The following RAD51B variants were observed in gnomAD, a reference collection of about 807,000 sequenced individuals.
The protein encoded by RAD51B is DNA repair protein RAD51 homolog 2.
A neutral mutation model predicts 42.2 loss-of-function variants in RAD51B; 38 were observed. The ratio of observed to expected loss-of-function variants is 0.90; its 90% CI spans 0.70 to 1.18. The LOEUF (loss-of-function observed/expected upper bound fraction) is 1.18. RAD51B is among the 50% of genes most tolerant of loss of function. The probability of loss-of-function intolerance (pLI) is 0.00; values close to 1 mark genes in which losing one functional copy is unlikely to be tolerated. For missense variants in RAD51B, 373 were observed against 400.7 expected, an observed-to-expected ratio of 0.93 and a Z score of 0.59; for synonymous variants, 154 against 145.2, an observed-to-expected ratio of 1.06 and a Z score of -0.43.
At chr14:68,284,851 G>T (rs1303473593) in intron 7 of RAD51B, among the ~76,000 whole-genome samples, 1 of 151,854 alleles carries the variant, frequency 6.6e-6, no homozygotes, top group Non-Finnish European at 1.5e-5. Context: ...TTTTTGTGAC[G>T]CTCAAACTCC....
At position 67,886,024 on chromosome 14, in the gene RAD51B, G is replaced by C. The variant is rs778455017; in HGVS notation, c.572+36G>C. 2.8e-6 allele frequency: 4 copies of C among 1,454,072 alleles called. No homozygotes were observed. In the African/African-American group the frequency reaches 5.7e-5, roughly 21 times the overall value. 90.1% of individuals were successfully genotyped at this position (1,454,072 alleles called of 1,614,324 possible). A position where few individuals can be genotyped will look rare whatever the true frequency, so the allele number is the denominator to read the frequency against. ...TTAGATTTTGATTTTTTAGTAATGC[G>C]TTGAAGGTTTATGTTTTATCTTTTA... On this transcript the variant is annotated intron_variant, in intron 6 of 10. Transcript: ENST00000471583.
intron 10 of RAD51B, among the ~76,000 whole-genome samples, chr14:68,564,466 G>T (rs1297076115): frequency 6.6e-6 from 1 of 152,198 alleles, no homozygotes; most frequent in African/African-American, 2.4e-5. Flanking sequence ...GGACGGGCTT[G>T]TGAGAAGGAG....
intron 10 of RAD51B, among the ~76,000 whole-genome samples, chr14:68,530,448 A>C (rs1457647517): frequency 2.5e-5 from 1 of 40,314 alleles, no homozygotes. Flanking sequence ...CCCTGTCTCA[A>C]AAAAAAAAAA....
chr14:68,475,309 G>A (rs544123289), intron 10 of RAD51B, among the ~76,000 whole-genome samples: 8 of 152,342 alleles, frequency 5.3e-5, no homozygotes, highest in East Asian at 3.9e-4. Context: ...GAAGAGCCCA[G>A]TTGCAGAGAT....
chr14:68,113,084 G>A (rs997605703), intron 7 of RAD51B, among the ~76,000 whole-genome samples: 3 of 152,002 alleles, frequency 2.0e-5, no homozygotes, highest in Non-Finnish European at 4.4e-5. Context: ...TACGAAATTG[G>A]TTTATTGATT....
downstream of RAD51B, among the ~76,000 whole-genome samples, chr14:68,613,771 T>A (rs1026007868): frequency 1.3e-5 from 2 of 152,196 alleles, no homozygotes; most frequent in Non-Finnish European, 2.9e-5. Context: ...GTTCCTTAAA[T>A]GGCTAAGAGC....
Position 68,079,299 on chromosome 14 carries a change from CT to C in RAD51B, c.756+192101del, listed in dbSNP as rs573343137. The stretch of plus-strand genomic sequence containing the variant: ...TGCAGGTAAATTATAACCCACTTTT[CT>C]TTTTTATTTCATGTGGTCTTGGCAA... On this transcript the variant is annotated intron_variant, in intron 7 of 10. Transcript: ENST00000471583. 2.0e-5 allele frequency among the ~76,000 whole-genome samples: 3 copies of C among 152,206 alleles called. No homozygotes were observed. The South Asian group carries it at 6.2e-4, about 32-fold the overall frequency.
chr14:67,990,381 C>T (rs559500632), intron 7 of RAD51B, among the ~76,000 whole-genome samples: 1 of 152,284 alleles, frequency 6.6e-6, no homozygotes, highest in South Asian at 2.1e-4. Context: ...AGAAAAGTGG[C>T]TAATTATACA....
intron 8 of RAD51B, among the ~76,000 whole-genome samples, chr14:68,319,137 C>T (rs766242184): frequency 1.3e-5 from 2 of 152,106 alleles, no homozygotes; most frequent in Admixed American, 6.6e-5. Flanking sequence ...GCCCTGGAAA[C>T]GGAGGAGTTT....
At chr14:68,362,578 A>G (rs1977211) in intron 8 of RAD51B, among the ~76,000 whole-genome samples, 71,463 of 152,010 alleles carry the variant, frequency 0.47, 17,941 homozygotes, top group South Asian at 0.59. Flanking sequence ...GGCCGGGCGC[A>G]GTGGCTCACA....
intron 9 of RAD51B, among the ~76,000 whole-genome samples, chr14:68,450,206 CTTTTTTTT>C (rs67536658): frequency 8.3e-5 from 4 of 47,906 alleles, no homozygotes; most frequent in East Asian, 1.7e-3. Flanking sequence ...GAGCTTAGGG[CTTTTTTTT>C]TTTTTTTTTT....
intron 11 of RAD51B, chr14:68,682,835 A>G (rs1173836351): frequency 2.9e-6 from 2 of 692,662 alleles, no homozygotes; most frequent in Non-Finnish European, 1.8e-6. Flanking sequence ...CTGGAAATGG[A>G]ATCTCTGAAG....
intron 7 of RAD51B, among the ~76,000 whole-genome samples, chr14:68,038,888 T>C (rs954836390): frequency 1.3e-5 from 2 of 152,228 alleles, no homozygotes; most frequent in Admixed American, 6.5e-5. Flanking sequence ...TTATTATCTA[T>C]GCTCTTGAGG....
chr14:68,240,214 C>G (rs2080353098), intron 7 of RAD51B, among the ~76,000 whole-genome samples: 1 of 152,136 alleles, frequency 6.6e-6, no homozygotes, highest in African/African-American at 2.4e-5. Context: ...TTTGGAGCCC[C>G]AGCCCATGCC....
Position 68,143,766 on chromosome 14 carries a change from A to T in RAD51B, c.757-148118A>T, listed in dbSNP as rs182097396. Among the ~76,000 whole-genome samples, 213 of 152,292 alleles carry T rather than the reference A, an allele frequency of 1.4e-3. 1 individual carries two copies. Among genetic ancestry groups the T allele is most frequent in the Middle Eastern group, 3.4e-3 (1 of 294 alleles). On this transcript the variant is annotated intron_variant, in intron 7 of 10. Transcript: ENST00000471583. ...TTTGAAAAGCAGCTGCAACCTTCAG[A>T]GGAAGCGCAGGGTGGTTGGCATTGG...
intron 7 of RAD51B, among the ~76,000 whole-genome samples, chr14:68,049,036 T>C (rs1421001934): frequency 2.0e-5 from 3 of 152,064 alleles, no homozygotes; most frequent in African/African-American, 7.2e-5. Context: ...CCATAAAAAA[T>C]GATGAGTTCA....
chr14:67,839,963 T>A (rs1168530994), intron 4 of RAD51B, among the ~76,000 whole-genome samples: 7 of 152,158 alleles, frequency 4.6e-5, no homozygotes, highest in South Asian at 2.1e-4. Flanking sequence ...ATTAAAAAAA[T>A]TTATTTTAAT....
chr14:68,282,222 G>A (rs1471260510), intron 7 of RAD51B, among the ~76,000 whole-genome samples: 1 of 151,938 alleles, frequency 6.6e-6, no homozygotes. Context: ...ATCTCAGGTG[G>A]TCCACCTGCC....
At chr14:68,130,172 C>T (rs2077856723) in intron 7 of RAD51B, 1 of 152,212 alleles carries the variant, frequency 6.6e-6, no homozygotes, top group African/African-American at 2.4e-5. Flanking sequence ...CCAGGGACTG[C>T]TCTCAACTCC....
Sources: gnomAD v4.1 joint callset for allele counts (sites outside exome capture counted in the v4.1 genomes callset) on GRCh38, gnomAD v4.1.1 for gene constraint, MANE v1.5 for transcripts, NCBI Gene and HGNC (gene_info 2026-07-23, HGNC 2026-07-21) for gene names.